Variants in TAF4 observed in about 807,000 individuals in gnomAD.
TAF4 encodes transcription initiation factor TFIID subunit 4.
A neutral mutation model predicts 90.3 loss-of-function variants in TAF4; 9 were observed. That is an observed-to-expected ratio of 0.10 (90% confidence interval 0.06 to 0.17). The LOEUF is 0.17. Among genes scored for constraint, TAF4 ranks in the 10% least tolerant of loss-of-function variants. The probability of loss-of-function intolerance (pLI) is 1.00; values close to 1 mark genes in which losing one functional copy is unlikely to be tolerated. For synonymous variants in TAF4, 818 were observed against 638.9 expected (o/e 1.28, Z -4.23); for missense variants, 1,351 against 1,370.7 (o/e 0.99, Z 0.23).
At chr20:62,048,630 C>G (rs914531765) in intron 1 of TAF4, among the ~76,000 whole-genome samples, 1 of 151,308 alleles carries the variant, frequency 6.6e-6, no homozygotes, top group Non-Finnish European at 1.5e-5. Flanking sequence ...TCCCCACAGG[C>G]CCTCTCCCTG....
chr20:62,019,955 G>A (rs1020335179), intron 1 of TAF4, among the ~76,000 whole-genome samples: 6 of 152,292 alleles, frequency 3.9e-5, no homozygotes, highest in East Asian at 1.9e-4. Context: ...ACAAACCCCG[G>A]CCCTGGGCCT....
Position 62,014,574 on chromosome 20 carries a change from G to A in TAF4, c.1494C>T (p.Ala498=). The change falls in exon 2 of 15, where the codon GCC becomes GCT. Residue 498 remains alanine (A), a synonymous_variant. Coordinates refer to ENST00000252996, the MANE Select transcript of TAF4 (RefSeq NM_003185.4). ...MAPRPATPTS[A]PPVQISTVQA... is the part of the protein sequence containing the mutation. The stretch of plus-strand genomic sequence containing the variant: ...GTACGGTGGAGATCTGGACGGGAGG[G>A]GCACTTGTGGGGGTGGCAGGGCGAG... The A allele has an allele frequency of 6.2e-7, 1 of 1,613,392 alleles. No homozygotes were observed. Among genetic ancestry groups the A allele is most frequent in the Non-Finnish European group, 8.5e-7 (1 of 1,179,776 alleles).
At chr20:61,983,533 G>T (rs771590933) in intron 14 of TAF4, among the ~76,000 whole-genome samples, 1 of 152,082 alleles carries the variant, frequency 6.6e-6, no homozygotes, top group Non-Finnish European at 1.5e-5. Flanking sequence ...GCGGTGCTGT[G>T]TGCCTGTAGT....
intron 14 of TAF4, 43 bp downstream of exon 14, chr20:61,997,507 C>G (rs373277548): frequency 2.2e-5 from 34 of 1,512,704 alleles, no homozygotes; most frequent in Non-Finnish European, 3.0e-5. Flanking sequence ...TAAGATGTTC[C>G]CCATGTTTCC....
Position 62,010,046 on chromosome 20 carries a change from C to T in TAF4, c.1761G>A (p.Thr587=), listed in dbSNP as rs761181336. ...AGGCACGGAAAGGAGTGGCTCTTAC[C>T]GTGGCAGCTGAGGAAGTGGTGGTCG... is the stretch of plus-strand genomic sequence containing the variant. ...PGATTTSSAA[T]ETMENVKKCK... The change falls in exon 4 of 15, where the codon ACG becomes ACA. Residue 587 remains threonine (T), a splice_region_variant and synonymous_variant. Coordinates refer to ENST00000252996, the MANE Select transcript of TAF4 (RefSeq NM_003185.4). This position sits in a 1 kb window ranked among gnomAD's most constrained non-coding sequence, Gnocchi z 4.5. 1.6e-5 allele frequency: 26 copies of T among 1,613,150 alleles called. No individual in the cohort carries two copies. Among genetic ancestry groups the T allele is most frequent in the East Asian group, 2.2e-5 (1 of 44,880 alleles).
At chr20:62,026,303 G>C (rs982289412) in intron 1 of TAF4, among the ~76,000 whole-genome samples, 4 of 152,158 alleles carry the variant, frequency 2.6e-5, no homozygotes, top group Non-Finnish European at 4.4e-5. Context: ...ACACAGGGAC[G>C]TGAGTGTGCT....
chr20:62,049,322 C>G (rs1030283081), intron 1 of TAF4, among the ~76,000 whole-genome samples: 1 of 152,166 alleles, frequency 6.6e-6, no homozygotes, highest in Non-Finnish European at 1.5e-5. Flanking sequence ...CCCTGCAGGG[C>G]AGTGGTGAGC....
rs1298943077 is a variant in TAF4 at position 62,010,947 on chromosome 20, G to A, written c.1642-782C>T. Among the ~76,000 whole-genome samples, 2 of 152,176 alleles carry A rather than the reference G, an allele frequency of 1.3e-5. No homozygotes were observed. The highest frequency in any genetic ancestry group is 1.3e-4 in the Admixed American group (2 of 15,280). On this transcript the variant is annotated intron_variant, in intron 3 of 14. Transcript: ENST00000252996. This position sits in a 1 kb window ranked among gnomAD's most constrained non-coding sequence, Gnocchi z 4.5. ...AGTACTTTTCCAATGTATAAATCTA[G>A]CAGTCAACATTTTCTGTCTCCAATT...
intron 1 of TAF4, among the ~76,000 whole-genome samples, chr20:62,030,238 CCA>C (rs1328992243): frequency 6.6e-6 from 1 of 152,236 alleles, no homozygotes; most frequent in African/African-American, 2.4e-5. Context: ...ACCTGCATCT[CCA>C]CAGTGCCCGG....
rs199602619 is a variant in TAF4, at chr20:62,010,169, C to T, written c.1642-4G>A. On this transcript the variant is annotated splice_region_variant and splice_polypyrimidine_tract_variant and intron_variant, in intron 3 of 14. Coordinates refer to ENST00000252996, the MANE Select transcript of TAF4 (RefSeq NM_003185.4). This position sits in a 1 kb window ranked among gnomAD's most constrained non-coding sequence, Gnocchi z 4.5. ...CGCCACCCAGAACGAGCTGAGGCTA[C>T]AAGAATCCAAAAACACAAGGTAAGG... 64 of 1,613,770 alleles carry T rather than the reference C, an allele frequency of 4.0e-5. No homozygotes were observed. The highest frequency in any genetic ancestry group is 5.0e-5 in the Non-Finnish European group (59 of 1,180,002).
chr20:62,041,303 G>A (rs1297462139), intron 1 of TAF4, among the ~76,000 whole-genome samples: 1 of 152,140 alleles, frequency 6.6e-6, no homozygotes, highest in Non-Finnish European at 1.5e-5. Context: ...GAATTTTTAT[G>A]CATGTTAACC....
At chr20:61,994,053 G>A (rs2055648102) in intron 14 of TAF4, among the ~76,000 whole-genome samples, 1 of 151,790 alleles carries the variant, frequency 6.6e-6, no homozygotes, top group Admixed American at 6.6e-5. Context: ...AACTGATGAT[G>A]GGCTACAAAA....
At chr20:62,043,349 T>C (rs2055974710) in intron 1 of TAF4, among the ~76,000 whole-genome samples, 1 of 152,206 alleles carries the variant, frequency 6.6e-6, no homozygotes. Context: ...TGCACAGCTG[T>C]ATAATGTGTT....
At chr20:62,054,679 T>C (rs2056050408) in intron 1 of TAF4, among the ~76,000 whole-genome samples, 1 of 152,120 alleles carries the variant, frequency 6.6e-6, no homozygotes. Flanking sequence ...ATGCACCCTA[T>C]GAATGCTGGC....
chr20:62,008,789 C>CA (rs1324511904), intron 5 of TAF4: 2 of 346,892 alleles, frequency 5.8e-6, no homozygotes, highest in African/African-American at 4.2e-5. Flanking sequence ...GAGCCACAGA[C>CA]AAGGGACGCA....
intron 1 of TAF4, among the ~76,000 whole-genome samples, chr20:62,014,996 A>C (rs2123151770): frequency 6.6e-6 from 1 of 152,286 alleles, no homozygotes; most frequent in African/African-American, 2.4e-5. Context: ...CACCGGCCAC[A>C]CCACGTGCCC....
intron 13 of TAF4, among the ~76,000 whole-genome samples, chr20:61,997,884 T>C (rs1305827935): frequency 2.0e-5 from 3 of 152,226 alleles, no homozygotes; most frequent in African/African-American, 4.8e-5. Flanking sequence ...TCAGAAAATA[T>C]ACGCAAGTCA....
At chr20:62,000,290 C>T (rs944896262) in intron 10 of TAF4, 36 bp from the exon 11 acceptor site, 1 of 1,605,434 alleles carries the variant, frequency 6.2e-7, no homozygotes, top group Non-Finnish European at 8.5e-7. Flanking sequence ...ATTTTAAAAT[C>T]ATTAAGCACA....
chr20:62,026,662 C>G (rs1042148514), intron 1 of TAF4, among the ~76,000 whole-genome samples: 3 of 152,232 alleles, frequency 2.0e-5, no homozygotes. Context: ...AAACACGAAT[C>G]CAGCAGGCCA....
Sources: allele counts gnomAD v4.1 joint callset (sites outside exome capture counted in the v4.1 genomes callset), GRCh38; gene constraint gnomAD v4.1.1; non-coding constraint Gnocchi (gnomAD v3.1); transcripts MANE v1.5; gene names NCBI Gene and HGNC (gene_info 2026-07-23, HGNC 2026-07-21).